Variants in PDE4DIP observed in about 807,000 individuals in gnomAD.
PDE4DIP encodes phosphodiesterase 4D interacting protein.
In PDE4DIP, 59 loss-of-function variants were observed where a neutral mutation model predicts 221.4. The ratio of observed to expected loss-of-function variants is 0.27; its 90% CI spans 0.22 to 0.33. The LOEUF (loss-of-function observed/expected upper bound fraction) is 0.33. Ranked by LOEUF, PDE4DIP falls within the 10% of genes least tolerant of loss-of-function variation. PDE4DIP has a pLI of 1.00. For missense variants in PDE4DIP, 1,036 were observed against 2,154.2 expected, an observed-to-expected ratio of 0.48 and a Z score of 10.28; for synonymous variants, 404 against 815.9, an observed-to-expected ratio of 0.50 and a Z score of 8.60.
chr1:148,820,830 ATTAT>A (rs56760360), intron 1 of PDE4DIP, among the ~76,000 whole-genome samples: 5,372 of 111,832 alleles, frequency 0.048, 81 homozygotes, highest in African/African-American at 0.073. Context: ...GGATGATCTG[ATTAT>A]TTATTTATTT....
chr1:148,821,115 A>G (rs113773335), intron 1 of PDE4DIP, among the ~76,000 whole-genome samples: 2 of 148,618 alleles, frequency 1.3e-5, no homozygotes, highest in African/African-American at 5.1e-5. Context: ...CCTCCCAATG[A>G]TCTGATTTTT....
intron 40 of PDE4DIP, among the ~76,000 whole-genome samples, chr1:149,028,160 G>C (rs1309651718): frequency 6.6e-6 from 1 of 151,932 alleles, no homozygotes; most frequent in African/African-American, 2.4e-5. Flanking sequence ...GATGCGTAGG[G>C]ACAGCCCTGC....
At chr1:148,899,175 G>A (rs1475174962) in intron 1 of PDE4DIP, among the ~76,000 whole-genome samples, 1 of 119,550 alleles carries the variant, frequency 8.4e-6, no homozygotes, top group African/African-American at 3.5e-5. Context: ...CAAAAGCAGA[G>A]GTGTACAAAA....
At chr1:148,971,164 G>C (rs1448705449) in intron 14 of PDE4DIP, among the ~76,000 whole-genome samples, 1 of 151,892 alleles carries the variant, frequency 6.6e-6, no homozygotes, top group African/African-American at 2.4e-5. Context: ...TGAGTTGGGT[G>C]ATTTTGAGGT....
intron 1 of PDE4DIP, among the ~76,000 whole-genome samples, chr1:148,859,913 T>C (rs1431282171): frequency 8.8e-6 from 1 of 113,732 alleles, no homozygotes; most frequent in Non-Finnish European, 1.9e-5. Context: ...TTATCAAATG[T>C]TGTCACAAAT....
chr1:148,881,664 GA>G (rs1693749381), intron 3 of PDE4DIP, among the ~76,000 whole-genome samples: 1 of 147,544 alleles, frequency 6.8e-6, no homozygotes, highest in Admixed American at 6.7e-5. Flanking sequence ...GACACTTTTT[GA>G]AAAGGTATAG....
At chr1:149,032,901 C>T (rs587624321) in exon 44 of PDE4DIP, 6 of 206,170 alleles carry the variant, frequency 2.9e-5, no homozygotes, top group South Asian at 3.8e-4. Flanking sequence ...ATGTTGCTAA[C>T]GCCATATATT....
chr1:149,026,738 C>T (rs146619065), exon 39 of PDE4DIP: 6 of 562,254 alleles, frequency 1.1e-5, no homozygotes, highest in Non-Finnish European at 1.9e-5. Flanking sequence ...CCCTCCAGTC[C>T]GGGATGTTGG....
In PDE4DIP at chr1:149,025,455, C is replaced by G. The variant is rs2074877607; in HGVS notation, c.6325+771C>G. ...TGGTCATCATTCGCTTTCTCTACCC[C>G]ACCCCTTGCCTGCCTTTTCAGATAG... On this transcript the variant is annotated intron_variant, in intron 38 of 43. Coordinates refer to ENST00000369354, the Ensembl canonical transcript of PDE4DIP. Among the ~76,000 whole-genome samples, 7 of 152,290 alleles carry G rather than the reference C, an allele frequency of 4.6e-5. No individual in the cohort carries two copies. The South Asian group carries it at 1.5e-3, about 32-fold the overall frequency.
At chr1:148,818,146 CT>C (rs1378011091) in intron 1 of PDE4DIP, among the ~76,000 whole-genome samples, 1 of 145,274 alleles carries the variant, frequency 6.9e-6, no homozygotes, top group African/African-American at 2.6e-5. Flanking sequence ...TTTTATCAAT[CT>C]TTGTTCTACT....
At chr1:148,946,541 A>C (rs1347553421) in intron 5 of PDE4DIP, among the ~76,000 whole-genome samples, 3 of 54,176 alleles carry the variant, frequency 5.5e-5, no homozygotes, top group African/African-American at 1.1e-4. Flanking sequence ...ACTTCGTCTC[A>C]AAAAAAAAAA....
At chr1:148,888,624 C>T (rs1664024), upstream of PDE4DIP, among the ~76,000 whole-genome samples, 9 of 28,664 alleles carry the variant, frequency 3.1e-4, no homozygotes, top group East Asian at 2.1e-3. Context: ...CTGGGGTTGT[C>T]TCCCATCACC....
At chr1:148,884,838 C>T (rs1695292017), upstream of PDE4DIP, among the ~76,000 whole-genome samples, 1 of 149,714 alleles carries the variant, frequency 6.7e-6, no homozygotes, top group Admixed American at 6.7e-5. Context: ...TGTAGAAAGT[C>T]CAGATTCTGC....
Position 148,898,917 on chromosome 1 carries a change from C to T in PDE4DIP, c.141+9023C>T, listed in dbSNP as rs1553444891. Among the ~76,000 whole-genome samples the T allele has an allele frequency of 2.7e-5, 3 of 112,056 alleles. 1 individual carries two copies. The highest frequency in any genetic ancestry group is 1.2e-4 in the African/African-American group (3 of 25,384). 73.5% of individuals were successfully genotyped at this position (112,056 alleles called of 152,430 possible). A position where few individuals can be genotyped will look rare whatever the true frequency, so the allele number is the denominator to read the frequency against. On this transcript the variant is annotated intron_variant, in intron 1 of 43. Coordinates refer to ENST00000369354, the Ensembl canonical transcript of PDE4DIP. ...CATGATCTCGGCTCACTGCAACCTC[C>T]GTCTCCTGGGCTCAAGCGATTCTCC...
chr1:148,981,936 A>G (rs587770714), intron 21 of PDE4DIP: 77 of 159,806 alleles, frequency 4.8e-4, no homozygotes, highest in African/African-American at 1.8e-3. Flanking sequence ...GAGAGTCTAT[A>G]AGAATGACTT....
chr1:148,923,611 C>T lies in PDE4DIP; in HGVS notation c.142-5586C>T, dbSNP rs1157512615. Among the ~76,000 whole-genome samples the T allele has an allele frequency of 1.4e-4, 20 of 144,786 alleles. 1 individual carries two copies. The highest frequency in any genetic ancestry group is 2.6e-4 in the Non-Finnish European group (17 of 66,232). 95.0% of individuals were successfully genotyped at this position (144,786 alleles called of 152,430 possible). On this transcript the variant is annotated intron_variant, in intron 1 of 43. Transcript: ENST00000369354. ...GCCTCAGCCTCTCAAGTAGCTGGGA[C>T]TACAGGAGCCCGCCACCGCTCCCGG...
exon 31 of PDE4DIP, chr1:149,010,558 C>A: frequency 6.2e-7 from 1 of 1,614,108 alleles, no homozygotes; most frequent in Non-Finnish European, 8.5e-7. Flanking sequence ...TGCCAACTCC[C>A]CAGAATACCC....
exon 5 of PDE4DIP, chr1:148,937,823 C>T (rs782712907): frequency 9.4e-7 from 1 of 1,066,186 alleles, no homozygotes; most frequent in African/African-American, 1.6e-5. Context: ...GAAACAACAA[C>T]TGCTACATCT....
chr1:148,923,536 C>T (rs1384047712), intron 1 of PDE4DIP, among the ~76,000 whole-genome samples: 3 of 145,664 alleles, frequency 2.1e-5, no homozygotes, highest in African/African-American at 5.3e-5. Context: ...TGCAGTGGCG[C>T]GATCTCGGCT....
Sources: allele counts gnomAD v4.1 joint callset (sites outside exome capture counted in the v4.1 genomes callset), GRCh38; gene constraint gnomAD v4.1.1; transcripts MANE v1.5; gene names NCBI Gene and HGNC (gene_info 2026-07-23, HGNC 2026-07-21).